The following CTNNA3 variants were observed in gnomAD, a reference collection of about 807,000 sequenced individuals.
The protein encoded by CTNNA3 is catenin alpha-3.
Under a neutral mutation model 95.7 loss-of-function variants are expected in CTNNA3, and 76 were observed. The observed-to-expected ratio is 0.79, with a 90% CI of 0.66 to 0.96. CTNNA3 has a LOEUF of 0.96. CTNNA3 is among the 40% of genes least tolerant of loss of function. CTNNA3 has a pLI of 0.00. For missense variants in CTNNA3, 1,191 were observed against 1,089.8 expected (o/e 1.09, Z -1.31); for synonymous variants, 431 against 374.4 (o/e 1.15, Z -1.74).
At chr10:66,993,025 T>C (rs1412405870) in intron 7 of CTNNA3, among the ~76,000 whole-genome samples, 1 of 152,166 alleles carries the variant, frequency 6.6e-6, no homozygotes, top group East Asian at 1.9e-4. Context: ...TAAAAAATCA[T>C]TATTTTCCAT....
At chr10:66,345,589 C>G (rs572238894) in intron 12 of CTNNA3, among the ~76,000 whole-genome samples, 3 of 151,928 alleles carry the variant, frequency 2.0e-5, no homozygotes, top group Admixed American at 2.0e-4. Flanking sequence ...AATAACTGTA[C>G]CCAAAGAAGG....
At chr10:67,188,020 T>C (rs1007780029) in intron 6 of CTNNA3, among the ~76,000 whole-genome samples, 28 of 152,340 alleles carry the variant, frequency 1.8e-4, no homozygotes, top group Non-Finnish European at 3.2e-4. Context: ...GGTAATAGAA[T>C]GGTGAGCATC....
intron 7 of CTNNA3, among the ~76,000 whole-genome samples, chr10:66,991,370 G>T (rs964771577): frequency 2.6e-5 from 4 of 151,902 alleles, no homozygotes; most frequent in African/African-American, 9.7e-5. Context: ...AAAATTAAAG[G>T]ATATTTTATC....
At chr10:67,727,493 A>G (rs1467447465) in intron 1 of CTNNA3, among the ~76,000 whole-genome samples, 2 of 132,592 alleles carry the variant, frequency 1.5e-5, no homozygotes, top group Non-Finnish European at 1.6e-5. Context: ...ATTATATTAA[A>G]CATAATATAT....
chr10:65,937,516 T>G (rs1226250799), intron 17 of CTNNA3, among the ~76,000 whole-genome samples: 1 of 152,166 alleles, frequency 6.6e-6, no homozygotes, highest in South Asian at 2.1e-4. Context: ...CACTGTTCTT[T>G]AAGACTCAGC....
chr10:66,023,838 C>T (rs2079275248), intron 15 of CTNNA3, among the ~76,000 whole-genome samples: 3 of 152,192 alleles, frequency 2.0e-5, no homozygotes, highest in Admixed American at 6.5e-5. Context: ...AGTGCACTGT[C>T]GCAGTTCCCC....
rs890588110 is a variant in CTNNA3 at position 65,916,407 on chromosome 10, A to C, written c.*3923T>G. 1.3e-5 allele frequency: 2 copies of C among 152,138 alleles called. No individual in the cohort carries two copies. Among genetic ancestry groups the C allele is most frequent in the Non-Finnish European group, 2.9e-5 (2 of 68,028 alleles). 9.4% of individuals were successfully genotyped at this position (152,138 alleles called of 1,614,324 possible). On this transcript the variant is annotated 3_prime_UTR_variant, in exon 18 of 18. Coordinates refer to ENST00000433211, the MANE Select transcript of CTNNA3 (RefSeq NM_013266.4). ...AACCTAAAGAACTACTTACAATGAA[A>C]GTGAAAGAGGCTGTTTATTCTGCAA...
At chr10:66,023,398 CAGAG>C (rs66644133) in intron 15 of CTNNA3, among the ~76,000 whole-genome samples, 1 of 151,548 alleles carries the variant, frequency 6.6e-6, no homozygotes, top group African/African-American at 2.4e-5. Context: ...AAGTGGCAAA[CAGAG>C]AGAGGGAGAG....
chr10:67,120,451 G>C (rs1442313588), intron 7 of CTNNA3, among the ~76,000 whole-genome samples: 1 of 151,890 alleles, frequency 6.6e-6, no homozygotes, highest in Admixed American at 6.6e-5. Context: ...GAAGTATCCT[G>C]AATGACCATT....
chr10:67,750,447 TG>T, intron 1 of CTNNA3: 4 of 1,497,120 alleles, frequency 2.7e-6, no homozygotes, highest in South Asian at 2.3e-5. Context: ...GAACATGAGG[TG>T]GGGGAAGCCA....
intron 2 of CTNNA3, among the ~76,000 whole-genome samples, chr10:67,646,521 G>A (rs1839718970): frequency 6.6e-6 from 1 of 151,860 alleles, no homozygotes; most frequent in Admixed American, 6.6e-5. Flanking sequence ...TGTACAAATT[G>A]ATAAAAATAT....
chr10:67,465,232 AT>A (rs1408944727), intron 5 of CTNNA3, among the ~76,000 whole-genome samples: 1 of 152,048 alleles, frequency 6.6e-6, no homozygotes, highest in Non-Finnish European at 1.5e-5. Context: ...ACAGAATTTT[AT>A]TTTTTTAAAG....
intron 11 of CTNNA3, among the ~76,000 whole-genome samples, chr10:66,510,646 GATA>G (rs1447459914): frequency 6.6e-6 from 1 of 151,730 alleles, no homozygotes; most frequent in Non-Finnish European, 1.5e-5. Flanking sequence ...TGTCTATTGA[GATA>G]ATATGTTTTT....
At chr10:66,721,249 C>T (rs184828959) in intron 9 of CTNNA3, among the ~76,000 whole-genome samples, 2 of 152,244 alleles carry the variant, frequency 1.3e-5, no homozygotes, top group African/African-American at 2.4e-5. Context: ...GCAAGACAGT[C>T]TAATTTACAA....
At chr10:66,230,179 T>C (rs2089518709) in intron 13 of CTNNA3, among the ~76,000 whole-genome samples, 1 of 152,176 alleles carries the variant, frequency 6.6e-6, no homozygotes, top group Non-Finnish European at 1.5e-5. Flanking sequence ...TCTCACTGAG[T>C]TTACTTAAGA....
rs1846273660 is a variant in CTNNA3, at chr10:66,912,730, G to C, written c.1048-137206C>G. ...GCTGCTGGGCTTGCTGATATTAGCAGGTTGGTCTAGGCTAAAAGGAGGATG... is the reference window on the plus strand; with the variant it reads ...GCTGCTGGGCTTGCTGATATTAGCACGTTGGTCTAGGCTAAAAGGAGGATG... On this transcript the variant is annotated intron_variant, in intron 7 of 17. Transcript: ENST00000433211. 2.0e-5 allele frequency among the ~76,000 whole-genome samples: 3 copies of C among 152,146 alleles called. No individual in the cohort carries two copies. In the East Asian group the frequency reaches 5.8e-4, roughly 29 times the overall value.
At chr10:67,687,011 A>G (rs1480151619) in intron 1 of CTNNA3, among the ~76,000 whole-genome samples, 1 of 152,162 alleles carries the variant, frequency 6.6e-6, no homozygotes, top group African/African-American at 2.4e-5. Context: ...ACACAACAAG[A>G]AAGGCATGTG....
At chr10:66,570,656 T>C (rs11595197) in intron 10 of CTNNA3, among the ~76,000 whole-genome samples, 34,921 of 151,336 alleles carry the variant, frequency 0.23, 5,298 homozygotes, top group Middle Eastern at 0.42. Flanking sequence ...TAAAAACCAC[T>C]TGATTTCACA....
intron 9 of CTNNA3, among the ~76,000 whole-genome samples, chr10:66,706,939 G>T (rs1181919651): frequency 2.6e-5 from 4 of 151,946 alleles, no homozygotes; most frequent in African/African-American, 9.7e-5. Context: ...ACATTATTAG[G>T]AAAGAGACAT....
Sources: allele counts gnomAD v4.1 joint callset (sites outside exome capture counted in the v4.1 genomes callset), GRCh38; gene constraint gnomAD v4.1.1; transcripts MANE v1.5; gene names NCBI Gene and HGNC (gene_info 2026-07-23, HGNC 2026-07-21).